KCNIP4: variants seen among roughly 807,000 people sequenced by gnomAD.
KCNIP4 encodes the protein Kv channel-interacting protein 4.
Under a neutral mutation model 34.0 loss-of-function variants are expected in KCNIP4, and 12 were observed. That is an observed-to-expected ratio of 0.35 (90% CI 0.23 to 0.57). KCNIP4 has a LOEUF of 0.57. Ranked by LOEUF, KCNIP4 falls within the 20% of genes least tolerant of loss-of-function variation. The pLI is 0.83. For synonymous variants in KCNIP4, 124 were observed against 102.2 expected, an observed-to-expected ratio of 1.21 and a Z score of -1.29; for missense variants, 238 against 311.7, an observed-to-expected ratio of 0.76 and a Z score of 1.78.
chr4:21,241,728 C>T (rs1759827951), intron 1 of KCNIP4, among the ~76,000 whole-genome samples: 1 of 152,144 alleles, frequency 6.6e-6, no homozygotes, highest in Non-Finnish European at 1.5e-5. Context: ...GTTTAAAGCT[C>T]TGAGTGGGGC....
chr4:21,780,534 G>A (rs1275877943), intron 1 of KCNIP4, among the ~76,000 whole-genome samples: 1 of 151,992 alleles, frequency 6.6e-6, no homozygotes, highest in Non-Finnish European at 1.5e-5. Flanking sequence ...TGAGGGAAGG[G>A]TACCATGCTA....
intron 1 of KCNIP4, among the ~76,000 whole-genome samples, chr4:21,063,388 G>T (rs149507190): frequency 6.6e-6 from 1 of 152,310 alleles, no homozygotes; most frequent in African/African-American, 2.4e-5. Context: ...GGTTAGGGGA[G>T]TAAGCTATGT....
intron 1 of KCNIP4, among the ~76,000 whole-genome samples, chr4:20,927,993 C>A (rs1222431511): frequency 6.6e-6 from 1 of 151,676 alleles, no homozygotes; most frequent in East Asian, 1.9e-4. Flanking sequence ...TCAATTCGAG[C>A]AGGGATGATA....
At chr4:21,048,510 T>A (rs1314407199) in intron 1 of KCNIP4, among the ~76,000 whole-genome samples, 1 of 152,136 alleles carries the variant, frequency 6.6e-6, no homozygotes, top group Non-Finnish European at 1.5e-5. Context: ...CAGTATATAT[T>A]TATTTGCTTC....
intron 1 of KCNIP4, among the ~76,000 whole-genome samples, chr4:21,336,599 T>C (rs1372450936): frequency 6.6e-6 from 1 of 152,120 alleles, no homozygotes; most frequent in Non-Finnish European, 1.5e-5. Context: ...CTATGTCCTC[T>C]GAATATACCT....
chr4:21,759,653 A>T (rs2109165568), intron 1 of KCNIP4, among the ~76,000 whole-genome samples: 1 of 152,244 alleles, frequency 6.6e-6, no homozygotes, highest in Admixed American at 6.5e-5. Flanking sequence ...GAGACCTATT[A>T]ACCTGGTATC....
chr4:20,980,735 A>G (rs1362796071), intron 1 of KCNIP4, among the ~76,000 whole-genome samples: 1 of 152,096 alleles, frequency 6.6e-6, no homozygotes, highest in African/African-American at 2.4e-5. Context: ...CCTGAGGACA[A>G]CATGTAAGCT....
intron 1 of KCNIP4, among the ~76,000 whole-genome samples, chr4:21,087,326 G>A (rs983192992): frequency 3.3e-5 from 5 of 152,010 alleles, no homozygotes; most frequent in East Asian, 1.9e-4. Flanking sequence ...ACAGCCATGT[G>A]CCACCACACC....
At chr4:21,419,107 A>C (rs991730660) in intron 1 of KCNIP4, among the ~76,000 whole-genome samples, 1 of 152,176 alleles carries the variant, frequency 6.6e-6, no homozygotes, top group African/African-American at 2.4e-5. Context: ...AGGTTGATGC[A>C]TCCTTCTGCT....
At chr4:21,548,898 G>A (rs746893014) in intron 1 of KCNIP4, among the ~76,000 whole-genome samples, 11 of 151,860 alleles carry the variant, frequency 7.2e-5, no homozygotes, top group Non-Finnish European at 1.6e-4. Flanking sequence ...ACAGAGCAGG[G>A]TTTCTCAATT....
intron 1 of KCNIP4, among the ~76,000 whole-genome samples, chr4:21,836,774 C>T (rs1385713970): frequency 6.6e-6 from 1 of 151,924 alleles, no homozygotes; most frequent in Non-Finnish European, 1.5e-5. Context: ...AGTTCCAGGG[C>T]CCTGAAACCA....
intron 2 of KCNIP4, among the ~76,000 whole-genome samples, chr4:20,862,003 A>ATTATTATTATTG (rs1722254797): frequency 6.7e-6 from 1 of 148,764 alleles, no homozygotes; most frequent in Non-Finnish European, 1.5e-5. Context: ...TATTATTATT[A>ATTATTATTATTG]TTATTGAGAT....
At chr4:21,527,957 A>T (rs1324467902) in intron 1 of KCNIP4, among the ~76,000 whole-genome samples, 1 of 152,158 alleles carries the variant, frequency 6.6e-6, no homozygotes, top group Admixed American at 6.5e-5. Context: ...CATTAATAGA[A>T]GCTGGAACAT....
intron 1 of KCNIP4, among the ~76,000 whole-genome samples, chr4:21,677,813 G>A (rs141857055): frequency 0.011 from 1,629 of 152,242 alleles, 27 homozygotes; most frequent in African/African-American, 0.037. Flanking sequence ...GCAGCGGCAC[G>A]ATGTTGGCTC....
intron 1 of KCNIP4, among the ~76,000 whole-genome samples, chr4:21,088,946 C>CA (rs996403867): frequency 6.6e-6 from 1 of 152,130 alleles, no homozygotes; most frequent in Middle Eastern, 3.4e-3. Flanking sequence ...TGCCTAGAAG[C>CA]AAAAAACTTT....
chr4:21,128,568 T>C (rs1217355723), intron 1 of KCNIP4, among the ~76,000 whole-genome samples: 4 of 152,174 alleles, frequency 2.6e-5, no homozygotes, highest in African/African-American at 9.7e-5. Flanking sequence ...CTCTATTCTA[T>C]TTACCAACTC....
intron 3 of KCNIP4, among the ~76,000 whole-genome samples, chr4:20,817,351 C>T (rs2149440405): frequency 6.6e-6 from 1 of 152,262 alleles, no homozygotes; most frequent in East Asian, 1.9e-4. Flanking sequence ...CTCCGATGTC[C>T]TTTTCAGTTG....
chr4:21,560,240 T>C (rs752483122), intron 1 of KCNIP4, among the ~76,000 whole-genome samples: 5 of 152,076 alleles, frequency 3.3e-5, no homozygotes, highest in African/African-American at 1.2e-4. Context: ...TCATCTCCCA[T>C]AGGGCCATTC....
At chr4:21,222,440 C>A (rs35245345) in intron 1 of KCNIP4, among the ~76,000 whole-genome samples, 2,096 of 152,166 alleles carry the variant, frequency 0.014, 51 homozygotes, top group African/African-American at 0.048. Context: ...TAGAAGGCAG[C>A]ACATACCTCA....
Sources: allele counts gnomAD v4.1 joint callset (sites outside exome capture counted in the v4.1 genomes callset), GRCh38; gene constraint gnomAD v4.1.1; transcripts MANE v1.5; gene names NCBI Gene and HGNC (gene_info 2026-07-23, HGNC 2026-07-21).